The following SLC44A5 variants were observed in gnomAD, a reference collection of about 807,000 sequenced individuals.
SLC44A5 encodes solute carrier family 44 member 5, also known as choline transporter-like protein 5.
In SLC44A5, 57 loss-of-function variants were observed where a neutral mutation model predicts 101.8. That is an observed-to-expected ratio of 0.56 (90% confidence interval 0.45 to 0.70). The LOEUF is 0.70. Ranked by LOEUF, SLC44A5 falls within the 30% of genes least tolerant of loss-of-function variation. SLC44A5 has a pLI of 0.00. For missense variants in SLC44A5, 737 were observed against 853.1 expected (o/e 0.86, Z 1.70); for synonymous variants, 281 against 290.9 (o/e 0.97, Z 0.35).
At chr1:75,395,155 G>A (rs551954557) in intron 3 of SLC44A5, among the ~76,000 whole-genome samples, 4 of 152,064 alleles carry the variant, frequency 2.6e-5, no homozygotes, top group Admixed American at 2.6e-4. Context: ...TAAACCTTGT[G>A]AGAAAGATGA....
chr1:75,529,755 A>G (rs182248103), intron 2 of SLC44A5, among the ~76,000 whole-genome samples: 113 of 152,296 alleles, frequency 7.4e-4, no homozygotes, highest in African/African-American at 2.6e-3. Context: ...GAGATAGAGA[A>G]AAGTGGCTCA....
chr1:75,643,198 C>T, the SLC44A5 span, among the ~76,000 whole-genome samples: 2 of 151,974 alleles, frequency 1.3e-5, no homozygotes, highest in East Asian at 3.9e-4. Context: ...ACTTATACTA[C>T]CTATATCAAA....
chr1:75,611,193 G>A, upstream of SLC44A5: 1 of 656,576 alleles, frequency 1.5e-6, no homozygotes, highest in Non-Finnish European at 1.9e-6. Flanking sequence ...GGTAATCCCT[G>A]AGGTCCTACT....
At position 75,349,226 on chromosome 1, in the gene SLC44A5, C is replaced by T. The variant is rs143536105; in HGVS notation, c.53-9596G>A. On this transcript the variant is annotated intron_variant, in intron 3 of 23. Coordinates refer to ENST00000370859, the MANE Select transcript of SLC44A5 (RefSeq NM_001130058.2). ...TGGCAGTGCACACCTGTAGTCCCAGCGGCTTGGGAGGCCGAGGCAGGAGGA... is the reference window on the plus strand; with the variant it reads ...TGGCAGTGCACACCTGTAGTCCCAGTGGCTTGGGAGGCCGAGGCAGGAGGA... Among the ~76,000 whole-genome samples the T allele has an allele frequency of 6.9e-3, 1,051 of 152,168 alleles. 19 individuals are homozygous for T. The highest frequency in any genetic ancestry group is 0.024 in the African/African-American group (976 of 41,518).
intron 2 of SLC44A5, among the ~76,000 whole-genome samples, chr1:75,467,543 C>T (rs1031141912): frequency 6.6e-6 from 1 of 152,138 alleles, no homozygotes; most frequent in Non-Finnish European, 1.5e-5. Flanking sequence ...CTACAGTGAA[C>T]TCATTTTCAA....
At chr1:75,291,097 GTTTT>G (rs916247435) in intron 5 of SLC44A5, among the ~76,000 whole-genome samples, 1 of 151,804 alleles carries the variant, frequency 6.6e-6, no homozygotes, top group Non-Finnish European at 1.5e-5. Flanking sequence ...ACACCTGTGG[GTTTT>G]TTTTGTTTGT....
chr1:75,464,395 C>T (rs1032093382), intron 2 of SLC44A5, among the ~76,000 whole-genome samples: 2 of 150,892 alleles, frequency 1.3e-5, no homozygotes, highest in African/African-American at 2.4e-5. Flanking sequence ...TCATGGTAAC[C>T]TCAAACCAGA....
chr1:75,338,453 T>G (rs539048109), intron 4 of SLC44A5, among the ~76,000 whole-genome samples: 146 of 152,326 alleles, frequency 9.6e-4, no homozygotes, highest in African/African-American at 3.4e-3. Context: ...TTATTACTGT[T>G]GAATCTGATT....
intron 3 of SLC44A5, among the ~76,000 whole-genome samples, chr1:75,367,516 C>A (rs895606730): frequency 6.6e-6 from 1 of 152,154 alleles, no homozygotes; most frequent in African/African-American, 2.4e-5. Flanking sequence ...ATTCATCAGA[C>A]AGGACTGCTC....
chr1:75,580,290 G>T (rs2102066414), intron 1 of SLC44A5, among the ~76,000 whole-genome samples: 1 of 152,228 alleles, frequency 6.6e-6, no homozygotes, highest in South Asian at 2.1e-4. Context: ...ACTTAGCCAA[G>T]CAGTAAAACA....
intron 3 of SLC44A5, among the ~76,000 whole-genome samples, chr1:75,349,029 A>G (rs539377625): frequency 4.0e-4 from 61 of 152,356 alleles, no homozygotes; most frequent in Non-Finnish European, 8.2e-4. Flanking sequence ...TGTAGCATAG[A>G]GAAATAAAGA....
At chr1:75,268,675 A>T (rs937489561) in intron 6 of SLC44A5, among the ~76,000 whole-genome samples, 6 of 152,194 alleles carry the variant, frequency 3.9e-5, no homozygotes, top group Non-Finnish European at 8.8e-5. Context: ...CATATATGTG[A>T]ATATAGAGTA....
intron 3 of SLC44A5, among the ~76,000 whole-genome samples, chr1:75,387,177 A>G (rs1427494828): frequency 2.0e-5 from 3 of 152,210 alleles, no homozygotes; most frequent in Non-Finnish European, 4.4e-5. Flanking sequence ...AAAATACCAA[A>G]AGCAACGGCA....
chr1:75,691,022 G>A, the SLC44A5 span, among the ~76,000 whole-genome samples: 1 of 151,888 alleles, frequency 6.6e-6, no homozygotes, highest in Non-Finnish European at 1.5e-5. Flanking sequence ...AAAGGTGGAG[G>A]CCCCAAACCC....
At chr1:75,573,421 G>T (rs948268913) in intron 1 of SLC44A5, among the ~76,000 whole-genome samples, 1 of 152,034 alleles carries the variant, frequency 6.6e-6, no homozygotes, top group African/African-American at 2.4e-5. Context: ...CACCTCTGGG[G>T]GTAGGGAAGG....
At chr1:75,288,431 T>G (rs947668032) in intron 5 of SLC44A5, among the ~76,000 whole-genome samples, 2 of 152,218 alleles carry the variant, frequency 1.3e-5, no homozygotes, top group African/African-American at 4.8e-5. Context: ...ATTCATTCAT[T>G]CATACTGAAT....
At chr1:75,635,665 G>T in the SLC44A5 span, among the ~76,000 whole-genome samples, 1 of 126,390 alleles carries the variant, frequency 7.9e-6, no homozygotes, top group African/African-American at 2.9e-5. Context: ...GTGGGGTGGG[G>T]GGAGGGGGGG....
chr1:75,652,072 C>A, the SLC44A5 span, among the ~76,000 whole-genome samples: 1 of 152,078 alleles, frequency 6.6e-6, no homozygotes, highest in Non-Finnish European at 1.5e-5. Context: ...TGGTAGATAA[C>A]CTTCCTCTGG....
At chr1:75,253,918 G>A (rs1366861567) in intron 6 of SLC44A5, among the ~76,000 whole-genome samples, 1 of 151,962 alleles carries the variant, frequency 6.6e-6, no homozygotes, top group East Asian at 1.9e-4. Context: ...ATTCCATAAT[G>A]TTTTTGAAAA....
Sources: gnomAD v4.1 joint callset for allele counts (sites outside exome capture counted in the v4.1 genomes callset) on GRCh38, gnomAD v4.1.1 for gene constraint, MANE v1.5 for transcripts, NCBI Gene and HGNC (gene_info 2026-07-23, HGNC 2026-07-21) for gene names.